Variants in TFAM observed in about 807,000 individuals in gnomAD.
TFAM encodes mitochondrial transcription factor 1.
In TFAM, 13 loss-of-function variants were observed where a neutral mutation model predicts 30.6. That is an observed-to-expected ratio of 0.42 (90% CI 0.28 to 0.67). The LOEUF is 0.67. Ranked by LOEUF, TFAM falls within the 30% of genes least tolerant of loss-of-function variation. TFAM has a pLI of 0.21. For synonymous variants in TFAM, 106 were observed against 94.8 expected (o/e 1.12, Z -0.69); for missense variants, 231 against 293.7 (o/e 0.79, Z 1.56).
chr10:58,392,573 A>T (rs1433895561), intron 5 of TFAM, among the ~76,000 whole-genome samples: 1 of 151,678 alleles, frequency 6.6e-6, no homozygotes, highest in Non-Finnish European at 1.5e-5. Context: ...TGCTTTTAGT[A>T]TGGTACCATT....
intron 6 of TFAM, 78 bp from the exon 7 acceptor site, chr10:58,394,850 G>T: frequency 7.0e-7 from 1 of 1,427,234 alleles, no homozygotes; most frequent in Non-Finnish European, 9.6e-7. Flanking sequence ...AAGCATTCCA[G>T]AAATTAATTG....
intron 2 of TFAM, chr10:58,386,748 A>G (rs866653597): frequency 2.0e-6 from 2 of 978,996 alleles, no homozygotes; most frequent in Non-Finnish European, 2.5e-6. Context: ...AGTTCTATGC[A>G]ATTTACTGCT....
At position 58,388,080 on chromosome 10, in the gene TFAM, C is replaced by G. The variant is rs193210579; in HGVS notation, c.221-110C>G. On this transcript the variant is annotated intron_variant, in intron 2 of 6. Coordinates refer to ENST00000487519, the MANE Select transcript of TFAM (RefSeq NM_003201.3). The stretch of plus-strand genomic sequence containing the variant: ...TTAGTTGGATAAAGGAAAGTTAAAT[C>G]ATTATATTAAGTTATGTGTGGTATG... The G allele has an allele frequency of 1.0e-4, 81 of 799,022 alleles. No homozygotes were observed. In the East Asian group the frequency reaches 2.0e-3, roughly 19 times the overall value. 49.5% of individuals were successfully genotyped at this position (799,022 alleles called of 1,614,324 possible).
In TFAM at chr10:58,395,432, G is replaced by A. The variant is rs761391324; in HGVS notation, c.*358G>A. On this transcript the variant is annotated 3_prime_UTR_variant, in exon 7 of 7. Coordinates refer to ENST00000487519, the MANE Select transcript of TFAM (RefSeq NM_003201.3). Reference sequence around the variant, plus strand: ...CTTATATTATGGAGGCAGGAGTTTCGTTTTCAAAATTGTTACAAATTGTAG... The same window carrying A: ...CTTATATTATGGAGGCAGGAGTTTCATTTTCAAAATTGTTACAAATTGTAG... 4.8e-5 allele frequency: 14 copies of A among 291,526 alleles called. No individual in the cohort carries two copies. The highest frequency in any genetic ancestry group is 3.2e-4 in the East Asian group (4 of 12,558). 18.1% of individuals were successfully genotyped at this position (291,526 alleles called of 1,614,324 possible).
chr10:58,388,655 G>GTT lies in TFAM; in HGVS notation c.292-10_292-9dup. 1 of 1,612,742 alleles carries GTT rather than the reference G, an allele frequency of 6.2e-7. No individual in the cohort carries two copies. Among genetic ancestry groups the GTT allele is most frequent in the Non-Finnish European group, 8.5e-7 (1 of 1,179,666 alleles). ...AGCAATGGTTTGTTGACTTACTTGG[G>GTT]TTTTTTATTTATAGATATATCAAGA... On this transcript the variant is annotated splice_polypyrimidine_tract_variant and intron_variant, in intron 3 of 6. Transcript: ENST00000487519.
In TFAM at chr10:58,385,444, C is replaced by A; in HGVS notation, c.-104C>A. Reference sequence around the variant, plus strand: ...CGCTAGTGGCGGGCATGATAACACACGCCGGAGGGTCGCACGCGGGTTCCA... The same window carrying A: ...CGCTAGTGGCGGGCATGATAACACAAGCCGGAGGGTCGCACGCGGGTTCCA... On this transcript the variant is annotated 5_prime_UTR_variant, in exon 1 of 7. Transcript: ENST00000487519. 1.2e-6 allele frequency: 1 copy of A among 838,148 alleles called. No individual in the cohort carries two copies. 51.9% of individuals were successfully genotyped at this position (838,148 alleles called of 1,614,324 possible).
At chr10:58,390,510 A>T (rs1840571389) in intron 4 of TFAM, among the ~76,000 whole-genome samples, 1 of 152,204 alleles carries the variant, frequency 6.6e-6, no homozygotes, top group Admixed American at 6.5e-5. Context: ...TATTTAGTTC[A>T]TGGAGACTAT....
intron 2 of TFAM, 87 bp from the exon 3 acceptor site, chr10:58,388,103 A>G: frequency 1.0e-6 from 1 of 983,316 alleles, no homozygotes; most frequent in South Asian, 1.3e-5. Flanking sequence ...TATGTGTGGT[A>G]TGGATTGTGC....
chr10:58,394,669 T>C lies in TFAM; in HGVS notation c.594+255T>C. The C allele has an allele frequency of 4.7e-6, 3 of 639,196 alleles. No individual in the cohort carries two copies. The East Asian group carries it at 8.4e-5, about 18-fold the overall frequency. The allele number at this position is 639,196 out of a possible 1,614,324, so 39.6% of individuals were successfully genotyped here. ...TTATTCAGTGGCAGTGATACCCTGC[T>C]GCTGCCCCCTTCCTGCACCTCAAGA... On this transcript the variant is annotated intron_variant, in intron 6 of 6. Coordinates refer to ENST00000487519, the MANE Select transcript of TFAM (RefSeq NM_003201.3).
rs1589015561 is a variant in TFAM at position 58,396,177 on chromosome 10, G to A, written c.*1103G>A. On this transcript the variant is annotated 3_prime_UTR_variant, in exon 7 of 7. Coordinates refer to ENST00000487519, the MANE Select transcript of TFAM (RefSeq NM_003201.3). ...TTTACTTGTCTATGGCTGCTTTTCT[G>A]TGGCAGAGTAGCTGCCACAGAAACT... is the stretch of plus-strand genomic sequence containing the variant. The A allele has an allele frequency of 1.3e-5, 2 of 151,856 alleles. No homozygotes were observed. The allele number at this position is 151,856 out of a possible 1,614,324, so 9.4% of individuals were successfully genotyped here.
chr10:58,399,086 A>G lies in TFAM; in HGVS notation c.*4012A>G, dbSNP rs1274935001. ...GTTAATTGATTAAATCACTTACTAT[A>G]TTCGATATGAAATATATAAAACATA... On this transcript the variant is annotated 3_prime_UTR_variant, in exon 7 of 7. Coordinates refer to ENST00000487519, the MANE Select transcript of TFAM (RefSeq NM_003201.3). 6.6e-6 allele frequency: 1 copy of G among 152,228 alleles called. No individual in the cohort carries two copies. Among genetic ancestry groups the G allele is most frequent in the Non-Finnish European group, 1.5e-5 (1 of 68,028 alleles). 9.4% of individuals were successfully genotyped at this position (152,228 alleles called of 1,614,324 possible). A position where few individuals can be genotyped will look rare whatever the true frequency, so the allele number is the denominator to read the frequency against.
chr10:58,392,115 G>A (rs1396123159), intron 5 of TFAM, among the ~76,000 whole-genome samples: 1 of 151,894 alleles, frequency 6.6e-6, no homozygotes, highest in African/African-American at 2.4e-5. Flanking sequence ...TATCCTTGTG[G>A]TGCTGCTTTT....
At chr10:58,392,462 T>C (rs952601462) in intron 5 of TFAM, among the ~76,000 whole-genome samples, 1 of 152,102 alleles carries the variant, frequency 6.6e-6, no homozygotes, top group Non-Finnish European at 1.5e-5. Flanking sequence ...TATTTTCTTA[T>C]TTTTTTCCGT....
At position 58,386,240 on chromosome 10, in the gene TFAM, G is replaced by C. The variant is rs1231107993; in HGVS notation, c.122G>C (p.Trp41Ser). Reference sequence around the variant, plus strand: ...TGTAGTTTTGTGTATTTACCGAGGTGGTTTTCATCTGTCTTGGCAAGTTGT... The same window carrying C: ...TGTAGTTTTGTGTATTTACCGAGGTCGTTTTCATCTGTCTTGGCAAGTTGT... ...SPFSFVYLPR[W>S]FSSVLASCPK... Residue 41 changes from tryptophan (W) to serine (S), a missense_variant, in exon 2 of 7, where the codon TGG becomes TCG. Physicochemically the swap from Trp to Ser is radical, Grantham distance 177. Transcript: ENST00000487519. 1.9e-6 allele frequency: 3 copies of C among 1,612,778 alleles called. No individual in the cohort carries two copies.
At position 58,385,524 on chromosome 10, in the gene TFAM, G is replaced by A. The variant is rs1452515254; in HGVS notation, c.-24G>A. On this transcript the variant is annotated 5_prime_UTR_variant, in exon 1 of 7. Coordinates refer to ENST00000487519, the MANE Select transcript of TFAM (RefSeq NM_003201.3). ...GGAGGCTCTCCGAGATTGGGGTCGG[G>A]TCACTGCCTCATCCACCGGAGCGAT... 3.2e-6 allele frequency: 5 copies of A among 1,543,502 alleles called. No individual in the cohort carries two copies. Among genetic ancestry groups the A allele is most frequent in the African/African-American group, 1.4e-5 (1 of 73,020 alleles).
Position 58,394,377 on chromosome 10 carries a change from A to T in TFAM, c.557A>T (p.Lys186Met), listed in dbSNP as rs780926194. Residue 186 changes from lysine to methionine, a missense_variant, in exon 6 of 7, where the codon AAG becomes ATG. By Grantham distance (95) the Lys-to-Met change is moderately conservative. Transcript: ENST00000487519. ...TTACAGGAAAAGCTGAAGACTGTAA[A>T]GGAAAACTGGAAAAATCTGTCTGAC... ...DSPQEKLKTV[K>M]ENWKNLSDSE... is the part of the protein sequence containing the mutation. The T allele has an allele frequency of 6.2e-7, 1 of 1,613,658 alleles. No individual in the cohort carries two copies. The highest frequency in any genetic ancestry group is 1.7e-4 in the Middle Eastern group (1 of 6,040).
At chr10:58,388,293 G>C (rs772821119) in intron 3 of TFAM, 33 bp downstream of exon 3, 98 of 1,574,598 alleles carry the variant, frequency 6.2e-5, no homozygotes, top group Non-Finnish European at 8.0e-5. Flanking sequence ...TTGCTGACCA[G>C]TTATTCTGCA....
chr10:58,385,554 T>G lies in TFAM; in HGVS notation c.7T>G (p.Phe3Val). The change falls in exon 1 of 7, where the codon TTT (phenylalanine) becomes GTT (valine). Residue 3 changes from phenylalanine (F) to valine (V), a missense_variant. Phe to Val is a conservative substitution (Grantham distance 50). Coordinates refer to ENST00000487519, the MANE Select transcript of TFAM (RefSeq NM_003201.3). The part of the protein sequence containing the change: MA[F>V]LRSMWGVLSA... ...TGCCTCATCCACCGGAGCGATGGCG[T>G]TTCTCCGAAGCATGTGGGGCGTGCT... is the stretch of plus-strand genomic sequence containing the variant. The G allele has an allele frequency of 6.4e-7, 1 of 1,564,464 alleles. No homozygotes were observed. Among genetic ancestry groups the G allele is most frequent in the Non-Finnish European group, 8.7e-7 (1 of 1,153,946 alleles).
rs926196009 is a variant in TFAM at position 58,396,857 on chromosome 10, G to A, written c.*1783G>A. 2 of 152,162 alleles carry A rather than the reference G, an allele frequency of 1.3e-5. No individual in the cohort carries two copies. The highest frequency in any genetic ancestry group is 1.3e-4 in the Admixed American group (2 of 15,278). 9.4% of individuals were successfully genotyped at this position (152,162 alleles called of 1,614,324 possible). On this transcript the variant is annotated 3_prime_UTR_variant, in exon 7 of 7. Coordinates refer to ENST00000487519, the MANE Select transcript of TFAM (RefSeq NM_003201.3). ...AATAGTAGCTTATGAGGAAATATGA[G>A]GCTTTAAATATATAAAGTTGGATAT...
Sources: allele counts gnomAD v4.1 joint callset (sites outside exome capture counted in the v4.1 genomes callset), GRCh38; gene constraint gnomAD v4.1.1; transcripts MANE v1.5; gene names NCBI Gene and HGNC (gene_info 2026-07-23, HGNC 2026-07-21).